Variants in PIBF1 observed in about 807,000 individuals in gnomAD.
The protein encoded by PIBF1 is progesterone immunomodulatory binding factor 1.
Under a neutral mutation model 112.5 loss-of-function variants are expected in PIBF1, and 90 were observed. That is an observed-to-expected ratio of 0.80 (90% CI 0.67 to 0.95). The LOEUF (loss-of-function observed/expected upper bound fraction) is 0.95. Among genes scored for constraint, PIBF1 ranks in the 40% least tolerant of loss-of-function variants. PIBF1 has a pLI of 0.00. For synonymous variants in PIBF1, 301 were observed against 288.6 expected (o/e 1.04, Z -0.44); for missense variants, 915 against 852.3 (o/e 1.07, Z -0.92).
intron 17 of PIBF1, among the ~76,000 whole-genome samples, chr13:73,014,737 C>T (rs2044331871): frequency 6.8e-6 from 1 of 147,294 alleles, no homozygotes; most frequent in Non-Finnish European, 1.5e-5. Context: ...GTTGTCCAGG[C>T]TTGAGTGTAG....
intron 11 of PIBF1, among the ~76,000 whole-genome samples, chr13:72,897,611 G>A (rs189932289): frequency 2.4e-3 from 369 of 152,184 alleles, no homozygotes; most frequent in Middle Eastern, 6.8e-3. Context: ...AACTTAAAGG[G>A]GTGGAAAAAG....
At chr13:72,804,069 G>A (rs2035609876) in intron 5 of PIBF1, among the ~76,000 whole-genome samples, 1 of 151,978 alleles carries the variant, frequency 6.6e-6, no homozygotes, top group African/African-American at 2.4e-5. Context: ...TTGGCCTGAA[G>A]CAGACAATAA....
chr13:72,891,677 G>C (rs2040062512), intron 10 of PIBF1, among the ~76,000 whole-genome samples: 1 of 151,946 alleles, frequency 6.6e-6, no homozygotes, highest in South Asian at 2.1e-4. Context: ...AAAATAGAGT[G>C]ACATATGACA....
chr13:72,968,526 C>G lies in PIBF1; in HGVS notation c.1964+3122C>G, dbSNP rs568200265. ...CTGTTAGCCAGGGTGTTCTTGAACT[C>G]CTGACCTCAAATGATCCGCTGGCCT... On this transcript the variant is annotated intron_variant, in intron 15 of 17. Coordinates refer to ENST00000326291, the MANE Select transcript of PIBF1 (RefSeq NM_006346.4). 7.6e-4 allele frequency among the ~76,000 whole-genome samples: 116 copies of G among 151,868 alleles called. No homozygotes were observed. In the Middle Eastern group the frequency reaches 0.01, roughly 13 times the overall value.
intron 10 of PIBF1, among the ~76,000 whole-genome samples, chr13:72,863,972 A>G (rs1362112140): frequency 1.3e-5 from 2 of 152,248 alleles, no homozygotes; most frequent in African/African-American, 4.8e-5. Flanking sequence ...CTGTCTAGAT[A>G]AAGTTCTAAA....
chr13:72,899,686 A>T (rs2040412708), intron 11 of PIBF1, among the ~76,000 whole-genome samples: 2 of 152,168 alleles, frequency 1.3e-5, no homozygotes, highest in Admixed American at 6.6e-5. Context: ...CCCTGCTGAG[A>T]ACTGAAACAA....
At chr13:72,828,234 G>C (rs1357952358) in intron 8 of PIBF1, among the ~76,000 whole-genome samples, 1 of 149,914 alleles carries the variant, frequency 6.7e-6, no homozygotes, top group Non-Finnish European at 1.5e-5. Flanking sequence ...AAATAATGCA[G>C]AAGGGTTTAA....
At chr13:72,992,561 A>T (rs1011706585) in intron 16 of PIBF1, among the ~76,000 whole-genome samples, 2 of 152,196 alleles carry the variant, frequency 1.3e-5, no homozygotes, top group African/African-American at 4.8e-5. Flanking sequence ...TGGGATGCCG[A>T]GGCAGGCAGA....
At chr13:72,848,667 A>G (rs1419537761) in intron 9 of PIBF1, among the ~76,000 whole-genome samples, 1 of 152,104 alleles carries the variant, frequency 6.6e-6, no homozygotes, top group African/African-American at 2.4e-5. Flanking sequence ...CCCCGTCTCT[A>G]CTAAAAATAC....
chr13:72,897,747 G>T (rs528762091), intron 11 of PIBF1, among the ~76,000 whole-genome samples: 3 of 152,306 alleles, frequency 2.0e-5, no homozygotes, highest in African/African-American at 7.2e-5. Flanking sequence ...AAAAGGCCTT[G>T]TCCAACAGGA....
Position 72,791,637 on chromosome 13 carries a change from A to AT in PIBF1, c.253-797dup, listed in dbSNP as rs552617725. Among the ~76,000 whole-genome samples, 138 of 147,036 alleles carry AT rather than the reference A, an allele frequency of 9.4e-4. 1 individual carries two copies. Among genetic ancestry groups the AT allele is most frequent in the East Asian group, 4.6e-3 (23 of 4,958 alleles). On this transcript the variant is annotated intron_variant, in intron 2 of 17. Coordinates refer to ENST00000326291, the MANE Select transcript of PIBF1 (RefSeq NM_006346.4). The stretch of plus-strand genomic sequence containing the variant: ...TGAAGAATGTAAAACTAGGAAAATA[A>AT]TTTTTTTTTTTTTGAGACGGAGTCT...
intron 9 of PIBF1, among the ~76,000 whole-genome samples, chr13:72,849,917 A>G (rs1250323707): frequency 1.3e-5 from 2 of 152,220 alleles, no homozygotes; most frequent in African/African-American, 2.4e-5. Flanking sequence ...TGTTGTGACA[A>G]TTAAATGAGT....
intron 14 of PIBF1, among the ~76,000 whole-genome samples, chr13:72,956,681 C>T (rs1344000838): frequency 6.6e-6 from 1 of 152,222 alleles, no homozygotes; most frequent in Non-Finnish European, 1.5e-5. Context: ...CTGATGTCTT[C>T]ATCTTCTAGC....
At chr13:72,942,563 A>G (rs544407454) in intron 14 of PIBF1, among the ~76,000 whole-genome samples, 1 of 152,348 alleles carries the variant, frequency 6.6e-6, no homozygotes, top group Admixed American at 6.5e-5. Flanking sequence ...AATAATATGA[A>G]CAGCCAAGAC....
At chr13:72,792,407 T>C in intron 2 of PIBF1, 40 bp from the exon 3 acceptor site, 1 of 1,228,952 alleles carries the variant, frequency 8.1e-7, no homozygotes, top group Non-Finnish European at 1.2e-6. Flanking sequence ...AGTTTTTCTT[T>C]ATGACAAATC....
intron 17 of PIBF1, among the ~76,000 whole-genome samples, chr13:73,015,272 A>G (rs906619952): frequency 6.6e-6 from 1 of 152,202 alleles, no homozygotes; most frequent in African/African-American, 2.4e-5. Context: ...GATTACAGGC[A>G]TGAGCCACCG....
intron 10 of PIBF1, among the ~76,000 whole-genome samples, chr13:72,884,940 A>G (rs997619152): frequency 1.3e-5 from 2 of 152,102 alleles, no homozygotes; most frequent in Admixed American, 1.3e-4. Context: ...TATGTCTTCT[A>G]TTTATGTCTT....
chr13:72,987,307 C>CTTTT (rs11397801), intron 16 of PIBF1, among the ~76,000 whole-genome samples: 1 of 144,658 alleles, frequency 6.9e-6, no homozygotes. Context: ...TGTTGTTCTA[C>CTTTT]TTTTTTTTTT....
intron 10 of PIBF1, among the ~76,000 whole-genome samples, chr13:72,866,157 A>G (rs1393896747): frequency 2.0e-5 from 3 of 152,090 alleles, no homozygotes; most frequent in Non-Finnish European, 4.4e-5. Flanking sequence ...TGCCTCTTAT[A>G]TGGATATATC....
Sources: gnomAD v4.1 joint callset for allele counts (sites outside exome capture counted in the v4.1 genomes callset) on GRCh38, gnomAD v4.1.1 for gene constraint, MANE v1.5 for transcripts, NCBI Gene and HGNC (gene_info 2026-07-23, HGNC 2026-07-21) for gene names.